UNC13A: variants seen among roughly 807,000 people sequenced by gnomAD.
The protein encoded by UNC13A is unc-13 homolog A, also known as protein unc-13 homolog A.
In UNC13A, 61 loss-of-function variants were observed where a neutral mutation model predicts 219.7. The observed-to-expected ratio is 0.28, with a 90% CI of 0.23 to 0.34. The LOEUF (loss-of-function observed/expected upper bound fraction) is 0.34. UNC13A is among the 10% of genes least tolerant of loss of function. The pLI is 1.00. For missense variants in UNC13A, 1,476 were observed against 2,270.3 expected (o/e 0.65, Z 7.11); for synonymous variants, 920 against 884.6 (o/e 1.04, Z -0.71).
rs754998156 is a variant in UNC13A, at chr19:17,647,428, G to A, written c.1881C>T (p.Leu627=). 6.2e-7 allele frequency: 1 copy of A among 1,613,740 alleles called. No homozygotes were observed. The highest frequency in any genetic ancestry group is 1.1e-5 in the South Asian group (1 of 91,086). Residue 627 remains leucine, a synonymous_variant, in exon 17 of 44, where the codon CTC becomes CTT. Coordinates refer to ENST00000519716, the MANE Select transcript of UNC13A (RefSeq NM_001080421.3). The stretch of plus-strand genomic sequence containing the variant: ...GCTCCCGGATCTTCATGCGGTCCTT[G>A]AGCACCATGATGATGTTCTGTGTCC... The part of the protein sequence containing the change: ...EDRTQNIIMV[L]KDRMKIRERN...
chr19:17,647,670 C>G (rs1345269507), intron 16 of UNC13A, among the ~76,000 whole-genome samples, 178 bp from the exon 17 acceptor site: 2 of 151,736 alleles, frequency 1.3e-5, no homozygotes, highest in Admixed American at 1.3e-4. Flanking sequence ...CACCTCCTCT[C>G]GGAGCCATGC....
rs376388424 is a variant in UNC13A, at chr19:17,656,017, C to T, written c.1149G>A (p.Gly383=). The change falls in exon 10 of 44, where the codon GGG becomes GGA. Residue 383 remains glycine (G), a synonymous_variant. Coordinates refer to ENST00000519716, the MANE Select transcript of UNC13A (RefSeq NM_001080421.3). The part of the protein sequence containing the change: ...KRISLPPAAP[G]KEDKAPVAPT... ...GTGCCACTGGGGCCTTGTCCTCCTTCCCTGGGGCAGCTGGCGGGAGGCTGA... is the reference window on the plus strand; with the variant it reads ...GTGCCACTGGGGCCTTGTCCTCCTTTCCTGGGGCAGCTGGCGGGAGGCTGA... The T allele has an allele frequency of 2.5e-4, 400 of 1,578,396 alleles. No homozygotes were observed. Among genetic ancestry groups the T allele is most frequent in the Middle Eastern group, 1.2e-3 (7 of 5,974 alleles).
chr19:17,648,734 G>T, intron 15 of UNC13A, 84 bp from the exon 16 acceptor site: 1 of 1,547,090 alleles, frequency 6.5e-7, no homozygotes, highest in Non-Finnish European at 8.8e-7. Context: ...ATCACTGAGC[G>T]CGGTAAAGTC....
In UNC13A at chr19:17,602,407, G is replaced by C. The variant is rs2076474960; in HGVS notation, c.*3647C>G. 3.9e-5 allele frequency: 6 copies of C among 152,128 alleles called. No individual in the cohort carries two copies. The highest frequency in any genetic ancestry group is 3.9e-4 in the Admixed American group (6 of 15,262). The allele number at this position is 152,128 out of a possible 1,614,324, so 9.4% of individuals were successfully genotyped here. A position where few individuals can be genotyped will look rare whatever the true frequency, so the allele number is the denominator to read the frequency against. On this transcript the variant is annotated 3_prime_UTR_variant, in exon 44 of 44. Coordinates refer to ENST00000519716, the MANE Select transcript of UNC13A (RefSeq NM_001080421.3). The stretch of plus-strand genomic sequence containing the variant: ...CTCTTGGTCAGGGGACTTTGACTCT[G>C]AGGCATCCCTCAATGTCACCCCTTT...
chr19:17,684,788 A>G (rs930534816), intron 1 of UNC13A, among the ~76,000 whole-genome samples: 1 of 152,206 alleles, frequency 6.6e-6, no homozygotes, highest in Non-Finnish European at 1.5e-5. Flanking sequence ...TGTGCAGAGT[A>G]TGTGCACCAT....
At position 17,605,846 on chromosome 19, in the gene UNC13A, T is replaced by G. The variant is rs2076518610; in HGVS notation, c.*208A>C. 2.0e-6 allele frequency: 1 copy of G among 498,574 alleles called. No individual in the cohort carries two copies. Among genetic ancestry groups the G allele is most frequent in the Admixed American group, 4.4e-5 (1 of 22,490 alleles). 30.9% of individuals were successfully genotyped at this position (498,574 alleles called of 1,614,324 possible). On this transcript the variant is annotated 3_prime_UTR_variant, in exon 44 of 44. Coordinates refer to ENST00000519716, the MANE Select transcript of UNC13A (RefSeq NM_001080421.3). Reference sequence around the variant, plus strand: ...TGTGGCTCCTTCCTTCGTCGCGCCCTTGGGCGTGGCCTCCCGAGAGGGCGG... The same window carrying G: ...TGTGGCTCCTTCCTTCGTCGCGCCCGTGGGCGTGGCCTCCCGAGAGGGCGG...
At chr19:17,622,252 T>C (rs1228429951) in intron 36 of UNC13A, among the ~76,000 whole-genome samples, 2 of 152,232 alleles carry the variant, frequency 1.3e-5, no homozygotes, top group Non-Finnish European at 1.5e-5. Flanking sequence ...CAGACAGATC[T>C]GAATTTGAAT....
chr19:17,645,878 G>A, intron 18 of UNC13A, 35 bp from the exon 19 acceptor site: 1 of 1,587,798 alleles, frequency 6.3e-7, no homozygotes, highest in Non-Finnish European at 8.6e-7. Flanking sequence ...GCAGGGGTCA[G>A]GCAGCCAGTG....
At chr19:17,641,761 C>A (rs1242608825) in intron 20 of UNC13A, among the ~76,000 whole-genome samples, 1 of 152,028 alleles carries the variant, frequency 6.6e-6, no homozygotes, top group Admixed American at 6.6e-5. Flanking sequence ...GTAATTCAAC[C>A]ACACATCCAT....
intron 25 of UNC13A, among the ~76,000 whole-genome samples, chr19:17,637,030 G>A (rs906507587): frequency 1.3e-5 from 2 of 151,310 alleles, no homozygotes; most frequent in South Asian, 2.1e-4. Flanking sequence ...AGGCTGGAGC[G>A]CAGTGGTGCA....
rs953332108 is a variant in UNC13A, at chr19:17,668,028, T to A, written c.468+89A>T. The A allele has an allele frequency of 1.5e-5, 21 of 1,372,084 alleles. No homozygotes were observed. The African/African-American group carries it at 2.6e-4, about 17-fold the overall frequency. The allele number at this position is 1,372,084 out of a possible 1,614,324, so 85.0% of individuals were successfully genotyped here. ...ACAGAGATGCAGGGAAAGACAAGCT[T>A]AGAGAGAAACAGCATCTGTAAGTGA... On this transcript the variant is annotated intron_variant, in intron 6 of 43. Coordinates refer to ENST00000519716, the MANE Select transcript of UNC13A (RefSeq NM_001080421.3).
intron 1 of UNC13A, among the ~76,000 whole-genome samples, chr19:17,679,295 G>A (rs1209640486): frequency 6.6e-6 from 1 of 152,004 alleles, no homozygotes; most frequent in Non-Finnish European, 1.5e-5. Flanking sequence ...AGCTACTCGG[G>A]AGGCTGAGGC....
intron 8 of UNC13A, among the ~76,000 whole-genome samples, chr19:17,662,823 G>A (rs1414672548): frequency 6.6e-6 from 1 of 151,980 alleles, no homozygotes; most frequent in African/African-American, 2.4e-5. Context: ...GGGAGGCTGA[G>A]GCAGGAGAAT....
chr19:17,659,123 G>A (rs2079509684), intron 8 of UNC13A, among the ~76,000 whole-genome samples: 1 of 152,052 alleles, frequency 6.6e-6, no homozygotes, highest in Admixed American at 6.6e-5. Flanking sequence ...TAACTAAAAA[G>A]AATGATAAAG....
At position 17,605,961 on chromosome 19, in the gene UNC13A, G is replaced by T; in HGVS notation, c.*93C>A. ...CTTGGCGTGGAGCCCCCCGAGCCCC[G>T]CCCCTGGGGAGGTCCCACCAAGGCG... On this transcript the variant is annotated 3_prime_UTR_variant, in exon 44 of 44. Transcript: ENST00000519716. 1.6e-6 allele frequency: 2 copies of T among 1,213,244 alleles called. No homozygotes were observed. Among genetic ancestry groups the T allele is most frequent in the Non-Finnish European group, 2.1e-6 (2 of 935,140 alleles). The allele number at this position is 1,213,244 out of a possible 1,614,324, so 75.2% of individuals were successfully genotyped here. A position where few individuals can be genotyped will look rare whatever the true frequency, so the allele number is the denominator to read the frequency against.
intron 41 of UNC13A, chr19:17,616,289 GGGC>G: frequency 3.4e-6 from 2 of 592,252 alleles, no homozygotes; most frequent in Non-Finnish European, 6.1e-6. Flanking sequence ...GCTCAGGCCT[GGGC>G]GGCGGCCCTG....
At chr19:17,651,848 A>G (rs1350190624) in intron 12 of UNC13A, among the ~76,000 whole-genome samples, 1 of 152,164 alleles carries the variant, frequency 6.6e-6, no homozygotes, top group Non-Finnish European at 1.5e-5. Flanking sequence ...GAAGGTCACT[A>G]TCGTGCTGCT....
chr19:17,618,290 G>C, intron 40 of UNC13A, 131 bp downstream of exon 40: 1 of 1,016,938 alleles, frequency 9.8e-7, no homozygotes, highest in Admixed American at 2.1e-5. Context: ...CTCTGGCACA[G>C]ACAGGGGAAC....
Position 17,628,046 on chromosome 19 carries a change from G to A in UNC13A, c.3754-106C>T, listed in dbSNP as rs2076802345. On this transcript the variant is annotated intron_variant, in intron 31 of 43. Transcript: ENST00000519716. Reference sequence around the variant, plus strand: ...GATGGTTTCAGGGTCTGGGTCTGGAGGAAGCTGGGGTCCCATGGGGTCACC... The same window carrying A: ...GATGGTTTCAGGGTCTGGGTCTGGAAGAAGCTGGGGTCCCATGGGGTCACC... 4.7e-6 allele frequency: 5 copies of A among 1,071,462 alleles called. No individual in the cohort carries two copies. In the African/African-American group the frequency reaches 6.3e-5, roughly 14 times the overall value. 66.4% of individuals were successfully genotyped at this position (1,071,462 alleles called of 1,614,324 possible). A position where few individuals can be genotyped will look rare whatever the true frequency, so the allele number is the denominator to read the frequency against.
Sources: allele counts gnomAD v4.1 joint callset (sites outside exome capture counted in the v4.1 genomes callset), GRCh38; gene constraint gnomAD v4.1.1; transcripts MANE v1.5; gene names NCBI Gene and HGNC (gene_info 2026-07-23, HGNC 2026-07-21).